Variants in MAOA observed in about 807,000 individuals in gnomAD.
MAOA encodes the protein monoamine oxidase A, also known as amine oxidase [flavin-containing] A.
Under a neutral mutation model 42.0 loss-of-function variants are expected in MAOA, and 6 were observed. The ratio of observed to expected loss-of-function variants is 0.14; its 90% CI spans 0.08 to 0.28. MAOA has a LOEUF of 0.28. Among genes scored for constraint, MAOA ranks in the 10% least tolerant of loss-of-function variants. The pLI is 1.00. For missense variants in MAOA, 262 were observed against 422.3 expected, an observed-to-expected ratio of 0.62 and a Z score of 3.33; for synonymous variants, 140 against 154.0, an observed-to-expected ratio of 0.91 and a Z score of 0.67.
intron 7 of MAOA, 45 bp from the exon 8 acceptor site, chrX:43,731,649 C>CT (rs1197498602): frequency 8.7e-7 from 1 of 1,150,812 alleles, no homozygotes; most frequent in Admixed American, 2.2e-5. Flanking sequence ...GCCACAAAGA[C>CT]TGCAGCTCAC....
At chrX:43,660,844 G>A (rs2033227108) in intron 1 of MAOA, among the ~76,000 whole-genome samples, 1 of 111,924 alleles carries the variant, frequency 8.9e-6, no homozygotes, top group African/African-American at 3.2e-5. Flanking sequence ...CAGAAAACTA[G>A]CGGTGGAAGA....
In MAOA at chrX:43,744,682, A is replaced by C; in HGVS notation, c.*169A>C. 1.9e-6 allele frequency: 1 copy of C among 520,140 alleles called. No homozygotes were observed. Among genetic ancestry groups the C allele is most frequent in the Non-Finnish European group, 3.2e-6 (1 of 310,123 alleles). 42.9% of individuals were successfully genotyped at this position (520,140 alleles called of 1,213,427 possible). A position where few individuals can be genotyped will look rare whatever the true frequency, so the allele number is the denominator to read the frequency against. On this transcript the variant is annotated 3_prime_UTR_variant, in exon 15 of 15. Transcript: ENST00000338702. The stretch of plus-strand genomic sequence containing the variant: ...TAAAAACAATTCAAAGAATCACCTA[A>C]TTAATTTCAGTAAGATCAAGCTCCA...
chrX:43,727,250 G>A (rs1350001349), intron 5 of MAOA, among the ~76,000 whole-genome samples: 3 of 112,229 alleles, frequency 2.7e-5, no homozygotes, highest in Non-Finnish European at 3.8e-5. Flanking sequence ...GGACATTTAA[G>A]TCTGCTGAAG....
At chrX:43,710,410 C>CA in intron 3 of MAOA, among the ~76,000 whole-genome samples, 1 of 112,574 alleles carries the variant, frequency 8.9e-6, no homozygotes, top group Non-Finnish European at 1.9e-5. Context: ...TATATTCTTA[C>CA]TCAGTTAGGA....
chrX:43,671,598 C>T (rs1192515452), intron 1 of MAOA, among the ~76,000 whole-genome samples: 76 of 104,771 alleles, frequency 7.3e-4, no homozygotes, highest in African/African-American at 2.3e-3. Flanking sequence ...AGTCTTTAAT[C>T]CATCTTGAAT....
intron 3 of MAOA, among the ~76,000 whole-genome samples, chrX:43,702,668 T>C (rs1482266709): frequency 2.7e-5 from 3 of 112,141 alleles, no homozygotes; most frequent in South Asian, 7.4e-4. Flanking sequence ...TCGTTTTCAT[T>C]CAGAAAATTT....
chrX:43,743,535 G>T (rs1398303069), intron 12 of MAOA, among the ~76,000 whole-genome samples: 1 of 111,754 alleles, frequency 8.9e-6, no homozygotes, highest in Non-Finnish European at 1.9e-5. Flanking sequence ...TTCCAGCTCT[G>T]GCTGGCTTGG....
At chrX:43,716,132 T>C (rs952687273) in intron 5 of MAOA, among the ~76,000 whole-genome samples, 10 of 110,912 alleles carry the variant, frequency 9.0e-5, no homozygotes, top group Non-Finnish European at 1.9e-5. Context: ...GGCAGGATGA[T>C]ATTTTCTAAG....
chrX:43,687,615 G>A (rs1443840189), intron 2 of MAOA, among the ~76,000 whole-genome samples: 2 of 112,260 alleles, frequency 1.8e-5, no homozygotes, highest in East Asian at 2.8e-4. Flanking sequence ...ATTGAAATAA[G>A]TAAAATGCTG....
chrX:43,676,652 AT>A (rs1051450196), intron 1 of MAOA, among the ~76,000 whole-genome samples: 2 of 111,655 alleles, frequency 1.8e-5, no homozygotes, highest in African/African-American at 6.5e-5. Context: ...TTCAACAAAT[AT>A]TTCCTGAGTG....
chrX:43,741,874 A>G, intron 11 of MAOA, 76 bp from the exon 12 acceptor site: 1 of 1,189,762 alleles, frequency 8.4e-7, no homozygotes, highest in Middle Eastern at 2.4e-4. Context: ...ACTTTTTGTT[A>G]AAGCAACGAT....
At chrX:43,715,186 G>A (rs1036974151) in intron 5 of MAOA, among the ~76,000 whole-genome samples, 1 of 110,278 alleles carries the variant, frequency 9.1e-6, no homozygotes, top group Non-Finnish European at 1.9e-5. Context: ...GGAAGGTTTG[G>A]TGGTGTGGCA....
chrX:43,712,850 T>C, intron 5 of MAOA, 54 bp downstream of exon 5: 1 of 886,929 alleles, frequency 1.1e-6, no homozygotes, highest in Non-Finnish European at 1.6e-6. Flanking sequence ...TCTCGTCTTT[T>C]ATATCTTGCC....
At chrX:43,722,981 A>G (rs925603141) in intron 5 of MAOA, among the ~76,000 whole-genome samples, 1 of 111,639 alleles carries the variant, frequency 9.0e-6, no homozygotes, top group Non-Finnish European at 1.9e-5. Context: ...AGTTTGTCAA[A>G]GATCAAATGG....
At chrX:43,702,435 C>T (rs2147089880) in intron 3 of MAOA, among the ~76,000 whole-genome samples, 1 of 112,150 alleles carries the variant, frequency 8.9e-6, no homozygotes, top group African/African-American at 3.2e-5. Context: ...CCTTTGCAAA[C>T]ACAGAGCTTC....
chrX:43,733,267 C>G lies in MAOA; in HGVS notation c.1052+472C>G, dbSNP rs1178934285. 8.0e-5 allele frequency among the ~76,000 whole-genome samples: 9 copies of G among 112,427 alleles called. No individual in the cohort carries two copies. The East Asian group carries it at 2.5e-3, about 31-fold the overall frequency. On this transcript the variant is annotated intron_variant, in intron 9 of 14. Coordinates refer to ENST00000338702, the MANE Select transcript of MAOA (RefSeq NM_000240.4). ...TTACCCTGAGATATAAGACAGCTGA[C>G]CAATTAGGAGGCCCAGTTCAGAATT...
rs750923138 is a variant in MAOA at position 43,679,611 on chromosome X, C to T, written c.74-3902C>T. 6.3e-5 allele frequency among the ~76,000 whole-genome samples: 7 copies of T among 110,963 alleles called. No individual in the cohort carries two copies. The East Asian group carries it at 1.7e-3, about 27-fold the overall frequency. ...ACCACTGTTGTTCAAAGTTCCCCAC[C>T]GCTCCATCCCCTTAGGCAGTGTGGG... On this transcript the variant is annotated intron_variant, in intron 1 of 14. Transcript: ENST00000338702.
chrX:43,679,825 A>G (rs2033428796), intron 1 of MAOA, among the ~76,000 whole-genome samples: 1 of 112,371 alleles, frequency 8.9e-6, no homozygotes, highest in African/African-American at 3.2e-5. Context: ...AATGCTCATC[A>G]CTTTCGACTT....
At chrX:43,727,631 G>A (rs1044558693) in intron 5 of MAOA, among the ~76,000 whole-genome samples, 3 of 112,828 alleles carry the variant, frequency 2.7e-5, no homozygotes, top group Non-Finnish European at 3.7e-5. Context: ...GCCAGGCACC[G>A]GAGGGAATCT....
Sources: gnomAD v4.1 joint callset for allele counts (sites outside exome capture counted in the v4.1 genomes callset) on GRCh38, gnomAD v4.1.1 for gene constraint, MANE v1.5 for transcripts, NCBI Gene and HGNC (gene_info 2026-07-23, HGNC 2026-07-21) for gene names.